The following TFCP2L1 variants were observed in gnomAD, a reference collection of about 807,000 sequenced individuals.
The protein encoded by TFCP2L1 is transcription factor CP2-like protein 1.
A neutral mutation model predicts 72.2 loss-of-function variants in TFCP2L1; 12 were observed. That is an observed-to-expected ratio of 0.17 (90% confidence interval 0.11 to 0.27). TFCP2L1 has a LOEUF of 0.27. Among genes scored for constraint, TFCP2L1 ranks in the 10% least tolerant of loss-of-function variants. TFCP2L1 has a pLI of 1.00. For missense variants in TFCP2L1, 488 were observed against 624.6 expected (o/e 0.78, Z 2.33); for synonymous variants, 260 against 251.0 (o/e 1.04, Z -0.34).
At chr2:121,234,632 C>T (rs3768904) in intron 11 of TFCP2L1, among the ~76,000 whole-genome samples, 61,756 of 152,130 alleles carry the variant, frequency 0.41, 14,195 homozygotes, top group Non-Finnish European at 0.52. Flanking sequence ...CAAACCCAGG[C>T]TCTCACTCTA....
chr2:121,242,560 C>A, intron 6 of TFCP2L1, 91 bp from the exon 7 acceptor site: 1 of 1,275,694 alleles, frequency 7.8e-7, no homozygotes, highest in Non-Finnish European at 1.1e-6. Context: ...ACCCAGGGCC[C>A]CAGGGCGCAG....
At chr2:121,260,080 C>T (rs1415913139) in intron 2 of TFCP2L1, among the ~76,000 whole-genome samples, 1 of 152,152 alleles carries the variant, frequency 6.6e-6, no homozygotes, top group Non-Finnish European at 1.5e-5. Flanking sequence ...CAGGCAGAAG[C>T]CCCATCAACC....
chr2:121,266,359 T>G (rs1558742764), intron 2 of TFCP2L1, among the ~76,000 whole-genome samples: 1 of 152,092 alleles, frequency 6.6e-6, no homozygotes, highest in South Asian at 2.1e-4. Flanking sequence ...TGAGACCCTA[T>G]GATGTACCTG....
At chr2:121,252,359 A>G (rs920488906) in intron 2 of TFCP2L1, among the ~76,000 whole-genome samples, 1 of 152,182 alleles carries the variant, frequency 6.6e-6, no homozygotes, top group African/African-American at 2.4e-5. Flanking sequence ...GAGCTATTAT[A>G]TAGCTCAAAA....
At chr2:121,259,564 T>C (rs1430450366) in intron 2 of TFCP2L1, among the ~76,000 whole-genome samples, 2 of 152,206 alleles carry the variant, frequency 1.3e-5, no homozygotes, top group African/African-American at 2.4e-5. Flanking sequence ...TAGTTTGAAA[T>C]TGAAAATTAC....
Position 121,237,719 on chromosome 2 carries a change from G to A in TFCP2L1, c.910-3C>T. The A allele has an allele frequency of 6.2e-7, 1 of 1,614,220 alleles. No homozygotes were observed. Among genetic ancestry groups the A allele is most frequent in the South Asian group, 1.1e-5 (1 of 91,086 alleles). On this transcript the variant is annotated splice_region_variant and splice_polypyrimidine_tract_variant and intron_variant, in intron 9 of 14. Coordinates refer to ENST00000263707, the MANE Select transcript of TFCP2L1 (RefSeq NM_014553.3). ...ATCGAAGCTGATGGGAGCAGGTGCT[G>A]TGAGCAGAGGGGAGAGGCCTTGAGA...
intron 2 of TFCP2L1, among the ~76,000 whole-genome samples, chr2:121,274,957 T>A (rs1396581427): frequency 6.6e-6 from 1 of 150,836 alleles, no homozygotes; most frequent in Admixed American, 6.6e-5. Flanking sequence ...AAAAAAAAAA[T>A]TATTTAATAC....
At position 121,220,127 on chromosome 2, in the gene TFCP2L1, A is replaced by T. The variant is rs866747861; in HGVS notation, c.*4214T>A. On this transcript the variant is annotated 3_prime_UTR_variant, in exon 15 of 15. Coordinates refer to ENST00000263707, the MANE Select transcript of TFCP2L1 (RefSeq NM_014553.3). ...TCATCGACTTGTTAATGATTTTCAGATCTTCAGTTACTCAGGCCAGCCCCT... is the reference window on the plus strand; with the variant it reads ...TCATCGACTTGTTAATGATTTTCAGTTCTTCAGTTACTCAGGCCAGCCCCT... The T allele has an allele frequency of 3.9e-5, 6 of 151,948 alleles. No homozygotes were observed. The highest frequency in any genetic ancestry group is 7.4e-5 in the Non-Finnish European group (5 of 68,020). 9.4% of individuals were successfully genotyped at this position (151,948 alleles called of 1,614,324 possible). A position where few individuals can be genotyped will look rare whatever the true frequency, so the allele number is the denominator to read the frequency against.
At chr2:121,274,772 T>C (rs1428362800) in intron 2 of TFCP2L1, among the ~76,000 whole-genome samples, 4 of 151,950 alleles carry the variant, frequency 2.6e-5, no homozygotes, top group African/African-American at 7.3e-5. Context: ...TAGTGGGATC[T>C]TGTATCTACG....
chr2:121,243,097 G>C (rs1216772557), intron 6 of TFCP2L1, among the ~76,000 whole-genome samples: 1 of 152,256 alleles, frequency 6.6e-6, no homozygotes, highest in African/African-American at 2.4e-5. Context: ...GAGTGGCCAA[G>C]TGTGCTGCAT....
intron 13 of TFCP2L1, among the ~76,000 whole-genome samples, chr2:121,230,444 T>C (rs1686118007): frequency 1.3e-5 from 2 of 151,872 alleles, no homozygotes; most frequent in Admixed American, 6.6e-5. Flanking sequence ...AGTGCTGGGA[T>C]TACAGGTGTG....
intron 2 of TFCP2L1, among the ~76,000 whole-genome samples, chr2:121,260,155 G>A (rs1381180446): frequency 6.6e-6 from 1 of 152,148 alleles, no homozygotes; most frequent in African/African-American, 2.4e-5. Flanking sequence ...CCATTTCAGA[G>A]ATGAAGAAAC....
At position 121,221,319 on chromosome 2, in the gene TFCP2L1, C is replaced by T. The variant is rs958506534; in HGVS notation, c.*3022G>A. 1 of 151,786 alleles carries T rather than the reference C, an allele frequency of 6.6e-6. No individual in the cohort carries two copies. The highest frequency in any genetic ancestry group is 6.6e-5 in the Admixed American group (1 of 15,224). The allele number at this position is 151,786 out of a possible 1,614,324, so 9.4% of individuals were successfully genotyped here. A position where few individuals can be genotyped will look rare whatever the true frequency, so the allele number is the denominator to read the frequency against. Reference sequence around the variant, plus strand: ...ATCAGAGAGAGATAGGACTCAGTACCGTTGACTCAGGTAAAGAGGGAGACA... The same window carrying T: ...ATCAGAGAGAGATAGGACTCAGTACTGTTGACTCAGGTAAAGAGGGAGACA... On this transcript the variant is annotated 3_prime_UTR_variant, in exon 15 of 15. Coordinates refer to ENST00000263707, the MANE Select transcript of TFCP2L1 (RefSeq NM_014553.3).
rs1685933645 is a variant in TFCP2L1, at chr2:121,221,772, A to T, written c.*2569T>A. ...ACGTATCTTGGAAATCATCAAAGTTAAAAAGTTTTGTGTCTCAAAGGACAC... is the reference window on the plus strand; with the variant it reads ...ACGTATCTTGGAAATCATCAAAGTTTAAAAGTTTTGTGTCTCAAAGGACAC... On this transcript the variant is annotated 3_prime_UTR_variant, in exon 15 of 15. Coordinates refer to ENST00000263707, the MANE Select transcript of TFCP2L1 (RefSeq NM_014553.3). 1 of 152,236 alleles carries T rather than the reference A, an allele frequency of 6.6e-6. No individual in the cohort carries two copies. The allele number at this position is 152,236 out of a possible 1,614,324, so 9.4% of individuals were successfully genotyped here.
chr2:121,267,272 G>C lies in TFCP2L1; in HGVS notation c.214+13848C>G, dbSNP rs561937554. On this transcript the variant is annotated intron_variant, in intron 2 of 14. Coordinates refer to ENST00000263707, the MANE Select transcript of TFCP2L1 (RefSeq NM_014553.3). ...TTGCAATGTTGCCCAGGCTGCTCTT[G>C]AACTCTGGGCTGAAGGCATCCTCCT... is the stretch of plus-strand genomic sequence containing the variant. 1.1e-4 allele frequency among the ~76,000 whole-genome samples: 17 copies of C among 152,126 alleles called. No individual in the cohort carries two copies. The South Asian group carries it at 3.3e-3, about 30-fold the overall frequency.
At position 121,281,519 on chromosome 2, in the gene TFCP2L1, A is replaced by C. The variant is rs7596689; in HGVS notation, c.63-248T>G. Among the ~76,000 whole-genome samples the C allele has an allele frequency of 0.11, 16,713 of 152,058 alleles. 1,387 individuals are homozygous for C. Among genetic ancestry groups the C allele is most frequent in the African/African-American group, 0.23 (9,661 of 41,448 alleles). On this transcript the variant is annotated intron_variant, in intron 1 of 14. Transcript: ENST00000263707. Reference sequence around the variant, plus strand: ...AAAACACTGATTCAATCAGCCCATCAAGGAGGTAAAAGGGCAAAGTTAGCT... The same window carrying C: ...AAAACACTGATTCAATCAGCCCATCCAGGAGGTAAAAGGGCAAAGTTAGCT...
At chr2:121,238,305 G>A (rs1000460733) in intron 8 of TFCP2L1, among the ~76,000 whole-genome samples, 3 of 152,198 alleles carry the variant, frequency 2.0e-5, no homozygotes, top group Non-Finnish European at 4.4e-5. Context: ...GAGGGCATAA[G>A]AATCCCACGG....
chr2:121,284,994 CGCCCGGCCCGCCG>C, intron 1 of TFCP2L1, 41 bp downstream of exon 1: 4 of 1,415,766 alleles, frequency 2.8e-6, no homozygotes, highest in African/African-American at 1.5e-5. Flanking sequence ...CGTCCAACGG[CGCCCGGCCCGCCG>C]GCCCGGCCCG....
chr2:121,252,084 C>T (rs1686625173), intron 2 of TFCP2L1, among the ~76,000 whole-genome samples: 2 of 152,210 alleles, frequency 1.3e-5, no homozygotes, highest in Admixed American at 1.3e-4. Flanking sequence ...GGGTCTTGCT[C>T]TGTCACCCAG....
Sources: gnomAD v4.1 joint callset for allele counts (sites outside exome capture counted in the v4.1 genomes callset) on GRCh38, gnomAD v4.1.1 for gene constraint, MANE v1.5 for transcripts, NCBI Gene and HGNC (gene_info 2026-07-23, HGNC 2026-07-21) for gene names.